The following CELF2 variants were observed in gnomAD, a reference collection of about 807,000 sequenced individuals.
CELF2 encodes the protein CUGBP Elav-like family member 2.
CELF2 carries 8 observed loss-of-function variants against 62.6 expected under a neutral mutation model. That is an observed-to-expected ratio of 0.13 (90% CI 0.07 to 0.23). CELF2 has a LOEUF of 0.23. CELF2 is among the 10% of genes least tolerant of loss of function. CELF2 has a pLI of 1.00. For synonymous variants in CELF2, 258 were observed against 250.0 expected (o/e 1.03, Z -0.30); for missense variants, 333 against 671.0 (o/e 0.50, Z 5.56).
At chr10:10,769,248 G>C in the CELF2 span, among the ~76,000 whole-genome samples, 6 of 152,138 alleles carry the variant, frequency 3.9e-5, no homozygotes, top group East Asian at 3.9e-4. Flanking sequence ...GGCATTTCTC[G>C]CATCCAAGTT....
chr10:10,674,211 G>A, the CELF2 span, among the ~76,000 whole-genome samples: 9 of 152,102 alleles, frequency 5.9e-5, no homozygotes, highest in African/African-American at 1.7e-4. Context: ...CCTGATTTTA[G>A]GCACCTACAC....
chr10:10,846,190 A>G, intron 1 of CELF2: 1 of 862,150 alleles, frequency 1.2e-6, no homozygotes, highest in Non-Finnish European at 1.4e-6. Flanking sequence ...CCTTCTGCTA[A>G]GACTTGGCAT....
At chr10:11,148,071 A>G (rs1367740988) in intron 1 of CELF2, among the ~76,000 whole-genome samples, 2 of 152,276 alleles carry the variant, frequency 1.3e-5, no homozygotes, top group African/African-American at 4.8e-5. Flanking sequence ...ATGAACAGCC[A>G]TGAAAGTGAC....
the CELF2 span, among the ~76,000 whole-genome samples, chr10:10,593,930 A>G: frequency 6.6e-6 from 1 of 152,336 alleles, no homozygotes; most frequent in African/African-American, 2.4e-5. Flanking sequence ...TGAGCATTAC[A>G]TATGGGGAGG....
chr10:11,179,687 A>C (rs902687900), intron 2 of CELF2, among the ~76,000 whole-genome samples: 1 of 152,164 alleles, frequency 6.6e-6, no homozygotes, highest in African/African-American at 2.4e-5. Flanking sequence ...AGTGAGGAAC[A>C]TGAGGGTATG....
chr10:11,115,119 G>C (rs150099552), intron 1 of CELF2, among the ~76,000 whole-genome samples: 1 of 152,366 alleles, frequency 6.6e-6, no homozygotes, highest in East Asian at 1.9e-4. Flanking sequence ...GGTCCAGGAT[G>C]CAGATTAATA....
intron 1 of CELF2, among the ~76,000 whole-genome samples, chr10:10,818,383 T>C (rs1052046300): frequency 6.6e-6 from 1 of 152,120 alleles, no homozygotes. Flanking sequence ...GAAAGGTTTT[T>C]CTCATTAGAT....
At chr10:10,621,518 A>G in the CELF2 span, among the ~76,000 whole-genome samples, 2 of 152,134 alleles carry the variant, frequency 1.3e-5, no homozygotes, top group African/African-American at 4.8e-5. Flanking sequence ...GAAATCCCTG[A>G]GAGGAACTGA....
chr10:11,317,554 C>A (rs917487908), intron 10 of CELF2: 20 of 152,378 alleles, frequency 1.3e-4, no homozygotes, highest in African/African-American at 4.6e-4. Flanking sequence ...AATATTAAGA[C>A]ATTCTCCCTT....
chr10:10,638,854 A>G, the CELF2 span, among the ~76,000 whole-genome samples: 2 of 152,212 alleles, frequency 1.3e-5, no homozygotes, highest in Non-Finnish European at 2.9e-5. Context: ...ATAAAATGTC[A>G]GTTTCCTACC....
At chr10:10,832,680 G>A (rs554826601) in intron 1 of CELF2, among the ~76,000 whole-genome samples, 11 of 152,236 alleles carry the variant, frequency 7.2e-5, no homozygotes, top group South Asian at 2.1e-4. Context: ...ATCCCATACC[G>A]GATCCATTTA....
chr10:11,253,525 G>T (rs758392248), intron 4 of CELF2, among the ~76,000 whole-genome samples: 39 of 152,346 alleles, frequency 2.6e-4, no homozygotes, highest in Middle Eastern at 3.4e-3. Flanking sequence ...TACAGATTTG[G>T]AGGCAGTAAT....
intron 2 of CELF2, among the ~76,000 whole-genome samples, chr10:10,970,192 C>A (rs904317415): frequency 6.6e-6 from 1 of 152,236 alleles, no homozygotes; most frequent in Middle Eastern, 3.4e-3. Context: ...CCTCAGCCTC[C>A]CGAATAGCTG....
chr10:11,196,129 C>T (rs1261723121), intron 2 of CELF2, among the ~76,000 whole-genome samples: 15 of 151,980 alleles, frequency 9.9e-5, no homozygotes, highest in Middle Eastern at 3.4e-3. Context: ...TGGCTAGCAG[C>T]TGTATTATCA....
intron 1 of CELF2, among the ~76,000 whole-genome samples, chr10:10,824,539 C>T (rs1007502194): frequency 6.6e-6 from 1 of 152,192 alleles, no homozygotes; most frequent in Non-Finnish European, 1.5e-5. Flanking sequence ...GAGATTTTCC[C>T]CTTTCCCTGC....
chr10:11,147,590 G>A (rs769093808), intron 1 of CELF2, among the ~76,000 whole-genome samples: 1 of 152,148 alleles, frequency 6.6e-6, no homozygotes, highest in Non-Finnish European at 1.5e-5. Flanking sequence ...TATAAACCAG[G>A]ATGCCTTTGT....
intron 1 of CELF2, among the ~76,000 whole-genome samples, chr10:10,871,105 T>C (rs778066756): frequency 9.9e-5 from 15 of 152,182 alleles, no homozygotes; most frequent in Non-Finnish European, 1.5e-4. Context: ...AAGGTGGCTA[T>C]GTAGAGCCGG....
intron 8 of CELF2, among the ~76,000 whole-genome samples, chr10:11,275,380 A>G (rs1391398066): frequency 6.6e-6 from 1 of 152,214 alleles, no homozygotes; most frequent in Non-Finnish European, 1.5e-5. Flanking sequence ...CTATATCAAC[A>G]AATGATTATA....
intron 1 of CELF2, among the ~76,000 whole-genome samples, chr10:11,134,506 C>T (rs1316041512): frequency 6.6e-6 from 1 of 152,164 alleles, no homozygotes; most frequent in Non-Finnish European, 1.5e-5. Context: ...TCTCCCTAGG[C>T]ATCTTGTGCT....
Sources: allele counts gnomAD v4.1 joint callset (sites outside exome capture counted in the v4.1 genomes callset), GRCh38; gene constraint gnomAD v4.1.1; transcripts MANE v1.5; gene names NCBI Gene and HGNC (gene_info 2026-07-23, HGNC 2026-07-21).